UBR3: variants seen among roughly 807,000 people sequenced by gnomAD.
UBR3 encodes the protein E3 ubiquitin-protein ligase UBR3.
UBR3 carries 85 observed loss-of-function variants against 243.2 expected under a neutral mutation model. The ratio of observed to expected loss-of-function variants is 0.35; its 90% CI spans 0.29 to 0.42. The LOEUF (loss-of-function observed/expected upper bound fraction) is 0.42, where lower values mean the gene tolerates loss of function less well. Ranked by LOEUF, UBR3 falls within the 10% of genes least tolerant of loss-of-function variation. The probability of loss-of-function intolerance (pLI) is 1.00; values close to 1 mark genes in which losing one functional copy is unlikely to be tolerated. For synonymous variants in UBR3, 748 were observed against 799.8 expected (o/e 0.94, Z 1.09); for missense variants, 1,686 against 2,300.8 (o/e 0.73, Z 5.47).
At position 169,875,949 on chromosome 2, in the gene UBR3, G is replaced by A; in HGVS notation, c.844G>A (p.Gly282Ser). The A allele has an allele frequency of 1.3e-6, 2 of 1,504,762 alleles. No individual in the cohort carries two copies. The highest frequency in any genetic ancestry group is 3.5e-4 in the Middle Eastern group (2 of 5,778). The allele number at this position is 1,504,762 out of a possible 1,614,324, so 93.2% of individuals were successfully genotyped here. ...ACAAAACTACAAAGATCTGACTTCT[G>A]GTGAGTAAAATGTTAGAAGAAATTT... Reference protein sequence around the residue: ...NQQNYKDLTSGLGENACVKKS... With the variant: ...NQQNYKDLTSSLGENACVKKS... Residue 282 changes from glycine (G) to serine (S), a missense_variant and splice_region_variant, in exon 3 of 39, where the codon GGT (glycine) becomes AGT (serine). Around this residue, in one of 8 missense-constraint regions of UBR3, gnomAD observed 200 missense variants for 231.6 expected, o/e 0.86. Coordinates refer to ENST00000272793, the MANE Select transcript of UBR3 (RefSeq NM_172070.4).
intron 11 of UBR3, among the ~76,000 whole-genome samples, chr2:169,920,996 A>G (rs936592433): frequency 6.6e-6 from 1 of 152,190 alleles, no homozygotes; most frequent in African/African-American, 2.4e-5. Context: ...GGCCTGAGCT[A>G]AGGTTAGTTA....
In UBR3 at chr2:170,080,606, T is replaced by G; in HGVS notation, c.5471T>G (p.Ile1824Ser). 6.2e-7 allele frequency: 1 copy of G among 1,614,068 alleles called. No individual in the cohort carries two copies. Among genetic ancestry groups the G allele is most frequent in the Non-Finnish European group, 8.5e-7 (1 of 1,179,960 alleles). ...IFLLINASVI[I>S]IIRGHRFCLW... The stretch of plus-strand genomic sequence containing the variant: ...CTTTTGATCAATGCATCGGTAATTA[T>G]CATCATTCGAGGTCACCGCTTCTGC... Residue 1824 changes from isoleucine to serine, a missense_variant, in exon 38 of 39, where the codon ATC becomes AGC. Physicochemically the swap from Ile to Ser is moderately radical, Grantham distance 142. Transcript: ENST00000272793.
intron 1 of UBR3, among the ~76,000 whole-genome samples, chr2:169,850,369 A>C (rs1160818593): frequency 6.6e-6 from 1 of 151,770 alleles, no homozygotes; most frequent in Non-Finnish European, 1.5e-5. Flanking sequence ...TGTAGAGACA[A>C]AGTCTCACTT....
chr2:169,902,142 G>A lies in UBR3; in HGVS notation c.1466-2972G>A, dbSNP rs144723547. Among the ~76,000 whole-genome samples, 10 of 152,270 alleles carry A rather than the reference G, an allele frequency of 6.6e-5. No individual in the cohort carries two copies. The East Asian group carries it at 1.9e-3, about 29-fold the overall frequency. Reference sequence around the variant, plus strand: ...AGCTGTGCAGCCTAAAAACCTAGGAGTTGTCTTTGACTTCTTTTTATTCCT... The same window carrying A: ...AGCTGTGCAGCCTAAAAACCTAGGAATTGTCTTTGACTTCTTTTTATTCCT... On this transcript the variant is annotated intron_variant, in intron 8 of 38. Coordinates refer to ENST00000272793, the MANE Select transcript of UBR3 (RefSeq NM_172070.4).
At chr2:170,057,866 C>A (rs1001556154) in intron 33 of UBR3, among the ~76,000 whole-genome samples, 1 of 151,886 alleles carries the variant, frequency 6.6e-6, no homozygotes. Flanking sequence ...TTAAAAATTA[C>A]GATAGTCTGT....
intron 1 of UBR3, among the ~76,000 whole-genome samples, chr2:169,856,698 G>A (rs2082880067): frequency 1.3e-5 from 2 of 152,144 alleles, no homozygotes; most frequent in Non-Finnish European, 2.9e-5. Flanking sequence ...CAGGCATGGC[G>A]GCGCGCGCCT....
chr2:170,015,105 C>T lies in UBR3; in HGVS notation c.4368-176C>T. Reference sequence around the variant, plus strand: ...ATAAGTAAGGATGGATAAATTGTTCCCTTTGTATTTCTAAATATCAGATAA... The same window carrying T: ...ATAAGTAAGGATGGATAAATTGTTCTCTTTGTATTTCTAAATATCAGATAA... On this transcript the variant is annotated intron_variant, in intron 29 of 38. Transcript: ENST00000272793. The T allele has an allele frequency of 1.6e-5, 8 of 512,572 alleles. 1 individual carries two copies. In the South Asian group the frequency reaches 2.4e-4, roughly 15 times the overall value. 31.8% of individuals were successfully genotyped at this position (512,572 alleles called of 1,614,324 possible). A position where few individuals can be genotyped will look rare whatever the true frequency, so the allele number is the denominator to read the frequency against.
At chr2:169,841,107 A>T (rs1005513105) in intron 1 of UBR3, among the ~76,000 whole-genome samples, 15 of 151,638 alleles carry the variant, frequency 9.9e-5, no homozygotes, top group African/African-American at 2.9e-4. Context: ...ACGCCCTTGG[A>T]TTTTTTTTCT....
Position 169,946,290 on chromosome 2 carries a change from T to C in UBR3, c.2808T>C (p.Ile936=). 1 of 1,482,392 alleles carries C rather than the reference T, an allele frequency of 6.7e-7. No individual in the cohort carries two copies. The highest frequency in any genetic ancestry group is 1.4e-5 in the South Asian group (1 of 71,508). The allele number at this position is 1,482,392 out of a possible 1,614,324, so 91.8% of individuals were successfully genotyped here. Residue 936 remains isoleucine, a splice_region_variant and synonymous_variant, in exon 21 of 39, where the codon ATT becomes ATC. Transcript: ENST00000272793. ...GGCATTTTCTTCCCTTTTTAAAGATTTTGATGGATCATCAAAATCTGTCAG... is the reference window on the plus strand; with the variant it reads ...GGCATTTTCTTCCCTTTTTAAAGATCTTGATGGATCATCAAAATCTGTCAG... ...HIVLFTLLYK[I]LMDHQNLSEH... is the part of the protein sequence containing the mutation.
intron 24 of UBR3, among the ~76,000 whole-genome samples, chr2:169,980,291 A>G (rs914294153): frequency 3.3e-5 from 5 of 152,238 alleles, no homozygotes; most frequent in Admixed American, 1.3e-4. Flanking sequence ...CATTAGTATG[A>G]ACTCATGTTT....
At chr2:169,998,901 C>T (rs976444860) in intron 26 of UBR3, among the ~76,000 whole-genome samples, 1 of 152,170 alleles carries the variant, frequency 6.6e-6, no homozygotes, top group Middle Eastern at 3.2e-3. Flanking sequence ...TATCATTCCT[C>T]TCTTGTAAAA....
At chr2:169,856,685 A>T (rs2105297996) in intron 1 of UBR3, among the ~76,000 whole-genome samples, 1 of 152,266 alleles carries the variant, frequency 6.6e-6, no homozygotes, top group South Asian at 2.1e-4. Flanking sequence ...TACAAAAACC[A>T]GTCAGGCATG....
At chr2:169,927,457 T>A in intron 17 of UBR3, 52 bp downstream of exon 17, 3 of 1,281,816 alleles carry the variant, frequency 2.3e-6, no homozygotes, top group Non-Finnish European at 2.1e-6. Context: ...AAAATAAGTA[T>A]TTTTTATGAT....
At chr2:169,829,830 C>T (rs1026549442) in intron 1 of UBR3, among the ~76,000 whole-genome samples, 2 of 65,006 alleles carry the variant, frequency 3.1e-5, no homozygotes, top group African/African-American at 6.7e-5. Context: ...CACACACACA[C>T]ACACACACAC....
At chr2:169,981,951 G>A (rs1010460282) in intron 24 of UBR3, among the ~76,000 whole-genome samples, 3 of 152,120 alleles carry the variant, frequency 2.0e-5, no homozygotes, top group Admixed American at 2.0e-4. Flanking sequence ...TGTGCAGTGG[G>A]AGTTTTGCAG....
intron 1 of UBR3, among the ~76,000 whole-genome samples, chr2:169,857,064 G>GT (rs770674966): frequency 0.043 from 2,395 of 56,020 alleles, 426 homozygotes; most frequent in Admixed American, 0.064. Context: ...ATTTTATTAT[G>GT]TTTTTTTTTT....
chr2:169,914,928 G>C (rs1362847488), intron 11 of UBR3, among the ~76,000 whole-genome samples: 1 of 151,756 alleles, frequency 6.6e-6, no homozygotes, highest in Non-Finnish European at 1.5e-5. Flanking sequence ...TTATTGAAAA[G>C]TTGAGTGGAC....
Position 169,926,834 on chromosome 2 carries a change from G to A in UBR3, c.2205-4G>A. 1 of 1,547,242 alleles carries A rather than the reference G, an allele frequency of 6.5e-7. No homozygotes were observed. On this transcript the variant is annotated splice_region_variant and splice_polypyrimidine_tract_variant and intron_variant, in intron 15 of 38. Transcript: ENST00000272793. Reference sequence around the variant, plus strand: ...AAATATGTTTCAAATATTTCTTCTTGTAGATTTAAGGTAGTGGATTTGTTG... The same window carrying A: ...AAATATGTTTCAAATATTTCTTCTTATAGATTTAAGGTAGTGGATTTGTTG...
chr2:170,017,233 G>A (rs190325776), intron 30 of UBR3, among the ~76,000 whole-genome samples: 192 of 150,608 alleles, frequency 1.3e-3, no homozygotes, highest in African/African-American at 4.5e-3. Context: ...TTTTTCTAGG[G>A]AAATATCTTA....
Sources: gnomAD v4.1 joint callset for allele counts (sites outside exome capture counted in the v4.1 genomes callset) on GRCh38, gnomAD v4.1.1 for gene constraint, gnomAD v4.1.1 regional missense constraint, MANE v1.5 for transcripts, NCBI Gene and HGNC (gene_info 2026-07-23, HGNC 2026-07-21) for gene names.